Variants in MAPRE2 observed in about 807,000 individuals in gnomAD.
MAPRE2 encodes microtubule associated protein RP/EB family member 2, also known as microtubule-associated protein RP/EB family member 2.
Under a neutral mutation model 43.2 loss-of-function variants are expected in MAPRE2, and 13 were observed. The ratio of observed to expected loss-of-function variants is 0.30; its 90% confidence interval spans 0.20 to 0.48. The LOEUF (loss-of-function observed/expected upper bound fraction) is 0.48, where lower values mean the gene tolerates loss of function less well. Ranked by LOEUF, MAPRE2 falls within the 20% of genes least tolerant of loss-of-function variation. MAPRE2 has a pLI of 0.99. For missense variants in MAPRE2, 161 were observed against 400.2 expected (o/e 0.40, Z 5.10); for synonymous variants, 135 against 148.8 (o/e 0.91, Z 0.68).
intron 2 of MAPRE2, among the ~76,000 whole-genome samples, chr18:35,083,957 TG>T (rs61120841): frequency 0.045 from 6,862 of 152,300 alleles, 312 homozygotes; most frequent in African/African-American, 0.12. Context: ...GATGTTTCTA[TG>T]AAGAAGCACT....
At position 35,078,629 on chromosome 18, in the gene MAPRE2, G is replaced by T. The variant is rs181596644; in HGVS notation, c.250+8307G>T. Among the ~76,000 whole-genome samples the T allele has an allele frequency of 1.2e-4, 18 of 152,272 alleles. No homozygotes were observed. In the East Asian group the frequency reaches 3.3e-3, roughly 28 times the overall value. The stretch of plus-strand genomic sequence containing the variant: ...CCAGTACTCTCATTGCTGTATGTGT[G>T]GCAGCTGTGGATGCAACGAAGGGTT... On this transcript the variant is annotated intron_variant, in intron 2 of 6. Transcript: ENST00000300249.
At chr18:35,117,259 C>T (rs28426668) in intron 4 of MAPRE2, among the ~76,000 whole-genome samples, 3,678 of 152,286 alleles carry the variant, frequency 0.024, 142 homozygotes, top group African/African-American at 0.084. Flanking sequence ...GGGCTCACCG[C>T]GGAGTTCTCC....
intron 1 of MAPRE2, among the ~76,000 whole-genome samples, chr18:35,064,961 G>GT (rs1181452118): frequency 1.3e-5 from 2 of 152,104 alleles, no homozygotes; most frequent in South Asian, 2.1e-4. Flanking sequence ...AGGGATTTTT[G>GT]TTTTTTCTGT....
chr18:35,139,245 C>T (rs369588198), intron 6 of MAPRE2, among the ~76,000 whole-genome samples: 7 of 152,312 alleles, frequency 4.6e-5, no homozygotes, highest in African/African-American at 1.7e-4. Flanking sequence ...CGGGAGCCAG[C>T]GTGCCAGGTG....
At chr18:35,000,903 C>A (rs1006774606) in intron 1 of MAPRE2, among the ~76,000 whole-genome samples, 2 of 152,132 alleles carry the variant, frequency 1.3e-5, no homozygotes, top group Non-Finnish European at 2.9e-5. Flanking sequence ...ATACAGAACA[C>A]CTGCCTTGTC....
In MAPRE2 at chr18:34,994,822, A is replaced by G. The variant is rs148187019; in HGVS notation, c.-69-10670A>G. Among the ~76,000 whole-genome samples, 1,436 of 152,302 alleles carry G rather than the reference A, an allele frequency of 9.4e-3. 29 individuals carry two copies. The highest frequency in any genetic ancestry group is 0.033 in the African/African-American group (1,366 of 41,562). On this transcript the variant is annotated intron_variant, in intron 1 of 7. Transcript: ENST00000413393. Reference sequence around the variant, plus strand: ...CAGAAAACTGTAAAAACTGGGTCCCAGAGTTTAAGTGGCATGCCCAAAGTC... The same window carrying G: ...CAGAAAACTGTAAAAACTGGGTCCCGGAGTTTAAGTGGCATGCCCAAAGTC...
intron 5 of MAPRE2, among the ~76,000 whole-genome samples, chr18:35,128,435 C>T (rs1910002199): frequency 6.6e-6 from 1 of 152,186 alleles, no homozygotes; most frequent in Non-Finnish European, 1.5e-5. Flanking sequence ...CACATCTGCA[C>T]ATTCAAGCAA....
chr18:35,127,369 G>C (rs992518840), intron 5 of MAPRE2: 4 of 343,578 alleles, frequency 1.2e-5, no homozygotes, highest in African/African-American at 8.4e-5. Flanking sequence ...CCTCAGGGCC[G>C]TCAAGAGCTC....
intron 2 of MAPRE2, among the ~76,000 whole-genome samples, chr18:35,081,754 G>A (rs888549663): frequency 6.6e-6 from 1 of 152,128 alleles, no homozygotes; most frequent in African/African-American, 2.4e-5. Flanking sequence ...TGAGCAACTT[G>A]AGAAAGGGGC....
At chr18:35,018,782 C>T (rs758457950) in intron 2 of MAPRE2, among the ~76,000 whole-genome samples, 7 of 151,850 alleles carry the variant, frequency 4.6e-5, no homozygotes, top group Non-Finnish European at 1.0e-4. Flanking sequence ...CTTTAGGTTT[C>T]ACTGATTCTT....
intron 1 of MAPRE2, among the ~76,000 whole-genome samples, chr18:34,982,374 T>A (rs536559003): frequency 3.4e-4 from 52 of 152,266 alleles, no homozygotes; most frequent in African/African-American, 1.2e-3. Flanking sequence ...TACCTAGTGC[T>A]TCTTCACTAA....
At chr18:35,068,829 A>C (rs1213691097) in intron 1 of MAPRE2, among the ~76,000 whole-genome samples, 1 of 152,244 alleles carries the variant, frequency 6.6e-6, no homozygotes, top group African/African-American at 2.4e-5. Flanking sequence ...CTTCTGATGG[A>C]AGTTCAAACA....
intron 2 of MAPRE2, among the ~76,000 whole-genome samples, chr18:35,012,501 G>A (rs1393627001): frequency 1.3e-5 from 2 of 152,166 alleles, no homozygotes; most frequent in Non-Finnish European, 2.9e-5. Flanking sequence ...CAACCCAAGT[G>A]TCCATTGAGA....
At chr18:35,098,789 C>T (rs1908542438) in intron 3 of MAPRE2, among the ~76,000 whole-genome samples, 1 of 152,158 alleles carries the variant, frequency 6.6e-6, no homozygotes, top group African/African-American at 2.4e-5. Flanking sequence ...ACTTGTCATA[C>T]ATCAAATTAG....
At chr18:35,059,375 G>T (rs1361425176) in intron 1 of MAPRE2, among the ~76,000 whole-genome samples, 4 of 151,548 alleles carry the variant, frequency 2.6e-5, no homozygotes, top group Admixed American at 2.0e-4. Flanking sequence ...CTCAACCCTA[G>T]TCTGTTCCTA....
chr18:35,016,184 C>G (rs2150585300), intron 2 of MAPRE2, among the ~76,000 whole-genome samples: 1 of 152,024 alleles, frequency 6.6e-6, no homozygotes, highest in Admixed American at 6.6e-5. Context: ...ACCACATCTT[C>G]TTTACCCAAT....
chr18:35,107,968 G>A (rs868854046), intron 4 of MAPRE2, among the ~76,000 whole-genome samples: 1 of 151,228 alleles, frequency 6.6e-6, no homozygotes, highest in African/African-American at 2.4e-5. Context: ...ATGTATTTAC[G>A]AGTGTTAAGT....
intron 1 of MAPRE2, among the ~76,000 whole-genome samples, chr18:34,991,665 G>A (rs2097023887): frequency 6.6e-6 from 1 of 152,156 alleles, no homozygotes; most frequent in Admixed American, 6.5e-5. Flanking sequence ...GAGTATGTCA[G>A]GCTGTCTTTC....
At chr18:34,982,293 C>T (rs1341110804) in intron 1 of MAPRE2, among the ~76,000 whole-genome samples, 1 of 152,082 alleles carries the variant, frequency 6.6e-6, no homozygotes, top group Admixed American at 6.5e-5. Context: ...AAGTCTTTTT[C>T]CAAGTCATAG....
Sources: allele counts gnomAD v4.1 joint callset (sites outside exome capture counted in the v4.1 genomes callset), GRCh38; gene constraint gnomAD v4.1.1; transcripts MANE v1.5; gene names NCBI Gene and HGNC (gene_info 2026-07-23, HGNC 2026-07-21).